The following TLN2 variants were observed in gnomAD, a reference collection of about 807,000 sequenced individuals.
TLN2 encodes talin-2.
TLN2 carries 118 observed loss-of-function variants against 294.7 expected under a neutral mutation model. The observed-to-expected ratio is 0.40, with a 90% confidence interval of 0.34 to 0.47. The LOEUF (loss-of-function observed/expected upper bound fraction) is 0.47, where lower values mean the gene tolerates loss of function less well. Ranked by LOEUF, TLN2 falls within the 20% of genes least tolerant of loss-of-function variation. TLN2 has a pLI of 0.84. For missense variants in TLN2, 3,083 were observed against 3,282.2 expected (o/e 0.94, Z 1.48); for synonymous variants, 1,431 against 1,304.5 (o/e 1.10, Z -2.09).
chr15:62,729,617 C>T (rs914039020), intron 28 of TLN2, among the ~76,000 whole-genome samples: 3 of 152,046 alleles, frequency 2.0e-5, no homozygotes, highest in African/African-American at 7.2e-5. Context: ...AATTTTTCTT[C>T]ATGCTTATAT....
intron 54 of TLN2, chr15:62,829,762 A>G (rs1375320442): frequency 6.6e-6 from 1 of 152,190 alleles, no homozygotes; most frequent in Non-Finnish European, 1.5e-5. Flanking sequence ...TTTTGTACCC[A>G]TGAACCATCC....
At chr15:62,526,578 C>T (rs533492885) in intron 1 of TLN2, among the ~76,000 whole-genome samples, 1 of 152,268 alleles carries the variant, frequency 6.6e-6, no homozygotes, top group South Asian at 2.1e-4. Flanking sequence ...TCTCAGGGGC[C>T]CTTCCCTCAG....
chr15:62,737,005 G>C lies in TLN2; in HGVS notation c.3486G>C (p.Glu1162Asp), dbSNP rs944397676. Residue 1162 changes from glutamate to aspartate, a missense_variant, in exon 29 of 59, where the codon GAG (glutamate) becomes GAC (aspartate). Physicochemically the swap from Glu to Asp is conservative, Grantham distance 45. Transcript: ENST00000636159. ...TAGATTCTGCTCGAGACGTGATGGAGGGCTCCGCCATGCTCATTCAAGAGG... is the reference window on the plus strand; with the variant it reads ...TAGATTCTGCTCGAGACGTGATGGACGGCTCCGCCATGCTCATTCAAGAGG... ...AMLDSARDVM[E>D]GSAMLIQEAK... 21 of 1,614,102 alleles carry C rather than the reference G, an allele frequency of 1.3e-5. No individual in the cohort carries two copies. Among genetic ancestry groups the C allele is most frequent in the Non-Finnish European group, 1.7e-5 (20 of 1,180,048 alleles).
intron 18 of TLN2, 40 bp from the exon 19 acceptor site, chr15:62,702,726 T>TAA: frequency 6.3e-7 from 1 of 1,584,304 alleles, no homozygotes; most frequent in Non-Finnish European, 8.7e-7. Context: ...CTGGAGGAAA[T>TAA]GCGTTTTCTT....
intron 22 of TLN2, among the ~76,000 whole-genome samples, chr15:62,713,803 A>C (rs2059582905): frequency 6.6e-6 from 1 of 151,796 alleles, no homozygotes; most frequent in South Asian, 2.1e-4. Flanking sequence ...GGTGAAAGAG[A>C]GACCCAGGGA....
rs1450033260 is a variant in TLN2 at position 62,766,432 on chromosome 15, A to G, written c.5196+10A>G. On this transcript the variant is annotated intron_variant, in intron 41 of 58. Coordinates refer to ENST00000636159, the MANE Select transcript of TLN2 (RefSeq NM_015059.3). ...TCAGCTGGGACATAAGGTAATGCAC[A>G]CCGAGGGGATCCTGCGAGGGTGTGC... is the stretch of plus-strand genomic sequence containing the variant. 6.3e-7 allele frequency: 1 copy of G among 1,599,154 alleles called. No individual in the cohort carries two copies. Among genetic ancestry groups the G allele is most frequent in the Admixed American group, 1.7e-5 (1 of 59,808 alleles).
At position 62,836,326 on chromosome 15, in the gene TLN2, C is replaced by T. The variant is rs564062637; in HGVS notation, c.7374+253C>T. Among the ~76,000 whole-genome samples the T allele has an allele frequency of 2.3e-4, 35 of 152,350 alleles. 1 individual carries two copies. The South Asian group carries it at 5.4e-3, about 23-fold the overall frequency. On this transcript the variant is annotated intron_variant, in intron 57 of 58. Coordinates refer to ENST00000636159, the MANE Select transcript of TLN2 (RefSeq NM_015059.3). ...CCTCGCCAGCCCAACCCAGCAGACC[C>T]CTACTTGTCCTTTGTGACTCATCTG...
At chr15:62,406,652 T>C (rs779349975) in intron 1 of TLN2, among the ~76,000 whole-genome samples, 1 of 152,168 alleles carries the variant, frequency 6.6e-6, no homozygotes, top group African/African-American at 2.4e-5. Context: ...GGATGGTAAC[T>C]CCCAGGTGTT....
At chr15:62,496,986 C>T (rs1268911038) in intron 1 of TLN2, among the ~76,000 whole-genome samples, 3 of 152,262 alleles carry the variant, frequency 2.0e-5, no homozygotes, top group Non-Finnish European at 2.9e-5. Flanking sequence ...AGTCGTGCCT[C>T]CCTCCCCTCA....
intron 1 of TLN2, among the ~76,000 whole-genome samples, chr15:62,560,890 C>T (rs546100398): frequency 5.9e-5 from 9 of 152,340 alleles, no homozygotes; most frequent in African/African-American, 1.2e-4. Flanking sequence ...GCAGCTGGAG[C>T]CAGGAGGCAA....
rs1262140430 is a variant in TLN2, at chr15:62,647,369, A to C, written c.59A>C (p.Gln20Pro). 1 of 1,614,116 alleles carries C rather than the reference A, an allele frequency of 6.2e-7. No individual in the cohort carries two copies. The highest frequency in any genetic ancestry group is 8.5e-7 in the Non-Finnish European group (1 of 1,180,042). The change falls in exon 4 of 59, where the codon CAG (glutamine) becomes CCG (proline). Residue 20 changes from glutamine to proline, a missense_variant. Coordinates refer to ENST00000636159, the MANE Select transcript of TLN2 (RefSeq NM_015059.3). ...CACTGCAACGTGGTGAAGACCATGCAGTTTGAACCATCTACAGCTGTGTAC... is the reference window on the plus strand; with the variant it reads ...CACTGCAACGTGGTGAAGACCATGCCGTTTGAACCATCTACAGCTGTGTAC... ...VRHCNVVKTMQFEPSTAVYDA... is the reference protein window; with the variant it reads ...VRHCNVVKTMPFEPSTAVYDA...
intron 1 of TLN2, among the ~76,000 whole-genome samples, chr15:62,426,347 G>T (rs1175270493): frequency 6.6e-6 from 1 of 152,200 alleles, no homozygotes; most frequent in Non-Finnish European, 1.5e-5. Context: ...AGACACCTTG[G>T]GAGGCAGAGA....
chr15:62,817,550 C>G (rs1040908525), intron 52 of TLN2, among the ~76,000 whole-genome samples: 4 of 152,192 alleles, frequency 2.6e-5, no homozygotes, highest in African/African-American at 9.6e-5. Context: ...ATAATGTCAT[C>G]TGTACACTGC....
At chr15:62,743,564 G>T (rs770649041) in intron 32 of TLN2, among the ~76,000 whole-genome samples, 2 of 152,106 alleles carry the variant, frequency 1.3e-5, no homozygotes, top group African/African-American at 4.8e-5. Context: ...TTTTCTTCCC[G>T]TGTAACTGTT....
intron 37 of TLN2, 80 bp from the exon 38 acceptor site, chr15:62,761,601 T>G: frequency 6.3e-7 from 1 of 1,580,478 alleles, no homozygotes. Context: ...CCACCTTCTT[T>G]CACTAAGAGG....
At chr15:62,475,039 G>A (rs1024562427) in intron 1 of TLN2, among the ~76,000 whole-genome samples, 1 of 152,100 alleles carries the variant, frequency 6.6e-6, no homozygotes, top group African/African-American at 2.4e-5. Context: ...GGACCTTTGG[G>A]GAAATAGAGC....
At chr15:62,550,322 A>G (rs1170002562) in intron 1 of TLN2, among the ~76,000 whole-genome samples, 5 of 152,220 alleles carry the variant, frequency 3.3e-5, no homozygotes, top group African/African-American at 1.2e-4. Context: ...ACCTCTCGGA[A>G]TAATGACTTG....
At chr15:62,766,253 C>A in intron 40 of TLN2, 68 bp from the exon 41 acceptor site, 1 of 1,404,904 alleles carries the variant, frequency 7.1e-7, no homozygotes, top group Non-Finnish European at 9.9e-7. Flanking sequence ...TCAGAGGGGC[C>A]TTTTTGAATC....
At chr15:62,776,204 G>GT (rs1383756780) in intron 42 of TLN2, among the ~76,000 whole-genome samples, 1 of 152,094 alleles carries the variant, frequency 6.6e-6, no homozygotes, top group African/African-American at 2.4e-5. Flanking sequence ...GAATGCATGG[G>GT]TACTCAGGGC....
Sources: gnomAD v4.1 joint callset for allele counts (sites outside exome capture counted in the v4.1 genomes callset) on GRCh38, gnomAD v4.1.1 for gene constraint, MANE v1.5 for transcripts, NCBI Gene and HGNC (gene_info 2026-07-23, HGNC 2026-07-21) for gene names.